Variants in WDR5 observed in about 807,000 individuals in gnomAD.
WDR5 encodes the protein WD repeat-containing protein 5.
For synonymous variants in WDR5, 144 were observed against 161.6 expected, an observed-to-expected ratio of 0.89 and a Z score of 0.83; for missense variants, 187 against 416.9, an observed-to-expected ratio of 0.45 and a Z score of 4.80.
At position 134,158,242 on chromosome 9, in the gene WDR5, C is replaced by G. The variant is rs72766688; in HGVS notation, c.*249C>G. 2 of 367,224 alleles carry G rather than the reference C, an allele frequency of 5.4e-6. No individual in the cohort carries two copies. Among genetic ancestry groups the G allele is most frequent in the Middle Eastern group, 5.1e-4 (1 of 1,970 alleles). 22.7% of individuals were successfully genotyped at this position (367,224 alleles called of 1,614,324 possible). ...GGAAGAGTTCCTAGTCTATTGTGTT[C>G]AAACAGAGTCAACAAAAGTTTTTAA... On this transcript the variant is annotated 3_prime_UTR_variant, in exon 14 of 14. Coordinates refer to ENST00000358625, the MANE Select transcript of WDR5 (RefSeq NM_017588.3).
At chr9:134,140,034 A>C (rs559971208) in intron 2 of WDR5, 76 bp downstream of exon 2, 34 of 1,527,046 alleles carry the variant, frequency 2.2e-5, no homozygotes, top group Non-Finnish European at 2.9e-5. Flanking sequence ...TCTCAAGCTC[A>C]TAAGCCTAGT....
intron 7 of WDR5, 79 bp from the exon 8 acceptor site, chr9:134,148,209 T>G: frequency 6.4e-6 from 3 of 469,372 alleles, no homozygotes; most frequent in Non-Finnish European, 7.1e-6. Context: ...TTTTTTTTTT[T>G]TTGAGATCAG....
At chr9:134,141,474 C>G in intron 3 of WDR5, 36 bp from the exon 4 acceptor site, 1 of 1,607,672 alleles carries the variant, frequency 6.2e-7, no homozygotes, top group African/African-American at 1.3e-5. Flanking sequence ...CAATTGTGTC[C>G]TGCTCTTAGC....
chr9:134,139,296 C>T (rs905857259), intron 1 of WDR5, among the ~76,000 whole-genome samples: 1 of 152,050 alleles, frequency 6.6e-6, no homozygotes, highest in Non-Finnish European at 1.5e-5. Flanking sequence ...GGCACTGGAG[C>T]CCCCCCATGA....
intron 10 of WDR5, among the ~76,000 whole-genome samples, chr9:134,154,946 C>T (rs77489531): frequency 9.1e-4 from 139 of 152,358 alleles, no homozygotes; most frequent in Non-Finnish European, 1.6e-3. Context: ...CCCATGCGTG[C>T]ACCCTCAGCC....
Position 134,154,549 on chromosome 9 carries a change from C to G in WDR5, c.707+8C>G, listed in dbSNP as rs1220997031. 2 of 1,613,936 alleles carry G rather than the reference C, an allele frequency of 1.2e-6. No homozygotes were observed. Among genetic ancestry groups the G allele is most frequent in the Non-Finnish European group, 1.7e-6 (2 of 1,179,944 alleles). On this transcript the variant is annotated splice_region_variant and intron_variant, in intron 10 of 13. Coordinates refer to ENST00000358625, the MANE Select transcript of WDR5 (RefSeq NM_017588.3). ...GGCCGCCACGCTGGACAAGTGAGTA[C>G]TGCGTGGGACTGTGGGGGCGGGCAT...
chr9:134,139,422 G>A (rs1831759752), intron 1 of WDR5, among the ~76,000 whole-genome samples: 1 of 152,214 alleles, frequency 6.6e-6, no homozygotes, highest in Admixed American at 6.5e-5. Context: ...ACACCCTGAA[G>A]CTCAGTCTTC....
intron 1 of WDR5, among the ~76,000 whole-genome samples, chr9:134,137,849 T>G (rs1046872384): frequency 2.0e-5 from 3 of 152,022 alleles, no homozygotes; most frequent in African/African-American, 7.2e-5. Context: ...TTCAAGTGAT[T>G]CTCCTGCCTC....
At position 134,157,785 on chromosome 9, in the gene WDR5, G is replaced by A. The variant is rs1344333736; in HGVS notation, c.905-108G>A. The A allele has an allele frequency of 1.5e-5, 15 of 1,013,258 alleles. No homozygotes were observed. Among genetic ancestry groups the A allele is most frequent in the African/African-American group, 9.6e-5 (6 of 62,480 alleles). The allele number at this position is 1,013,258 out of a possible 1,614,324, so 62.8% of individuals were successfully genotyped here. A position where few individuals can be genotyped will look rare whatever the true frequency, so the allele number is the denominator to read the frequency against. On this transcript the variant is annotated intron_variant, in intron 13 of 13. Coordinates refer to ENST00000358625, the MANE Select transcript of WDR5 (RefSeq NM_017588.3). This position sits in a 1 kb window ranked among gnomAD's most constrained non-coding sequence, Gnocchi z 5.0. ...CTTGTCCTGTGACCTCCCAGGTGGC[G>A]GGCAGGCGCTACCCGCGTTTCTGGA... is the stretch of plus-strand genomic sequence containing the variant.
intron 4 of WDR5, 59 bp downstream of exon 4, chr9:134,141,642 A>G: frequency 7.1e-6 from 11 of 1,559,976 alleles, no homozygotes; most frequent in East Asian, 4.5e-5. Flanking sequence ...CTAGTGATCA[A>G]GGGGTCAGGG....
chr9:134,156,635 G>A, intron 13 of WDR5, 42 bp downstream of exon 13: 1 of 1,598,386 alleles, frequency 6.3e-7, no homozygotes, highest in Non-Finnish European at 8.6e-7. Context: ...GCCTGTTGAT[G>A]TGAGGACAGT....
At chr9:134,137,171 A>T (rs1473255720) in intron 1 of WDR5, among the ~76,000 whole-genome samples, 1 of 152,160 alleles carries the variant, frequency 6.6e-6, no homozygotes, top group Non-Finnish European at 1.5e-5. Context: ...GCAGTCCAGG[A>T]GGGCACACTG....
chr9:134,152,674 G>T (rs1175848924), intron 9 of WDR5, among the ~76,000 whole-genome samples: 3 of 152,234 alleles, frequency 2.0e-5, no homozygotes, highest in African/African-American at 7.2e-5. Flanking sequence ...GGAGGGAGCT[G>T]GGTGGTGAGG....
chr9:134,141,571 T>G lies in WDR5; in HGVS notation c.252T>G (p.Ser84=). Residue 84 remains serine (S), a synonymous_variant, in exon 4 of 14, where the codon TCT becomes TCG. Coordinates refer to ENST00000358625, the MANE Select transcript of WDR5 (RefSeq NM_017588.3). The part of the protein sequence containing the change: ...AYDGKFEKTI[S]GHKLGISDVA... The stretch of plus-strand genomic sequence containing the variant: ...ATGGGAAATTTGAGAAAACCATATC[T>G]GGTCACAAGCTGGTAGGTTTCAGCC... 1 of 1,614,188 alleles carries G rather than the reference T, an allele frequency of 6.2e-7. No individual in the cohort carries two copies. The highest frequency in any genetic ancestry group is 8.5e-7 in the Non-Finnish European group (1 of 1,180,010).
At chr9:134,152,330 C>T (rs1359402205) in intron 9 of WDR5, among the ~76,000 whole-genome samples, 1 of 152,260 alleles carries the variant, frequency 6.6e-6, no homozygotes, top group Non-Finnish European at 1.5e-5. Context: ...GCCCCATTGC[C>T]TCCTGGCTTC....
At chr9:134,144,228 A>G (rs1832053399) in intron 7 of WDR5, among the ~76,000 whole-genome samples, 1 of 152,088 alleles carries the variant, frequency 6.6e-6, no homozygotes, top group African/African-American at 2.4e-5. Context: ...TGCTGCGGGG[A>G]GGCCGTTTGC....
chr9:134,136,132 C>A lies in WDR5; in HGVS notation c.-127C>A, dbSNP rs1340823342. On this transcript the variant is annotated 5_prime_UTR_variant, in exon 1 of 14. Transcript: ENST00000358625. The stretch of plus-strand genomic sequence containing the variant: ...AGCTGCCGCCTTGTCGAGCTGAGTC[C>A]GCGCTCCCGCCCAGGCGGCGGCCGA... 1 of 148,554 alleles carries A rather than the reference C, an allele frequency of 6.7e-6. No individual in the cohort carries two copies. The highest frequency in any genetic ancestry group is 6.7e-5 in the Admixed American group (1 of 14,948). The allele number at this position is 148,554 out of a possible 1,614,324, so 9.2% of individuals were successfully genotyped here.
intron 3 of WDR5, 59 bp from the exon 4 acceptor site, chr9:134,141,444 TTGGACTC>T: frequency 6.5e-7 from 1 of 1,543,028 alleles, no homozygotes; most frequent in Admixed American, 1.7e-5. Context: ...AGCTCAGACT[TTGGACTC>T]TGGATGACTA....
chr9:134,150,409 A>G (rs73567421), intron 8 of WDR5, among the ~76,000 whole-genome samples: 245 of 152,334 alleles, frequency 1.6e-3, no homozygotes, highest in African/African-American at 5.6e-3. Context: ...CCAACCCTTC[A>G]GCAAGATAGA....
Sources: allele counts gnomAD v4.1 joint callset (sites outside exome capture counted in the v4.1 genomes callset), GRCh38; gene constraint gnomAD v4.1.1; non-coding constraint Gnocchi (gnomAD v3.1); transcripts MANE v1.5; gene names NCBI Gene and HGNC (gene_info 2026-07-23, HGNC 2026-07-21).